STYXL1: variants seen among roughly 807,000 people sequenced by gnomAD.
The protein encoded by STYXL1 is serine/threonine/tyrosine-interacting-like protein 1.
Under a neutral mutation model 36.4 loss-of-function variants are expected in STYXL1, and 32 were observed. That is an observed-to-expected ratio of 0.88 (90% confidence interval 0.66 to 1.18). The LOEUF (loss-of-function observed/expected upper bound fraction) is 1.18, where lower values mean the gene tolerates loss of function less well. STYXL1 is among the 50% of genes most tolerant of loss of function. The pLI is 0.00. For synonymous variants in STYXL1, 133 were observed against 144.1 expected, an observed-to-expected ratio of 0.92 and a Z score of 0.55; for missense variants, 354 against 394.1, an observed-to-expected ratio of 0.90 and a Z score of 0.86.
At chr7:75,999,825 C>T (rs968451555) in intron 8 of STYXL1, among the ~76,000 whole-genome samples, 1 of 152,228 alleles carries the variant, frequency 6.6e-6, no homozygotes, top group Admixed American at 6.5e-5. Flanking sequence ...GGATTACAGG[C>T]GTGAGCCACC....
At chr7:76,005,614 C>T (rs922299777) in intron 5 of STYXL1, among the ~76,000 whole-genome samples, 3 of 152,092 alleles carry the variant, frequency 2.0e-5, no homozygotes, top group Non-Finnish European at 4.4e-5. Context: ...TGAGCCTCAT[C>T]GTGCAGAGCG....
rs184820215 is a variant in STYXL1, at chr7:76,013,227, G to A, written c.453+515C>T. On this transcript the variant is annotated intron_variant, in intron 5 of 8. Coordinates refer to ENST00000359697, the MANE Select transcript of STYXL1 (RefSeq NM_001317785.2). The stretch of plus-strand genomic sequence containing the variant: ...TGTAGTCCCACCTACTTGGGAGGCC[G>A]AGGCAGGAGAATGGCGTGAACCTGG... 2.6e-3 allele frequency among the ~76,000 whole-genome samples: 393 copies of A among 151,676 alleles called. 1 individual carries two copies. The highest frequency in any genetic ancestry group is 8.8e-3 in the African/African-American group (366 of 41,416).
intron 1 of STYXL1, among the ~76,000 whole-genome samples, chr7:76,035,476 G>C (rs1048934457): frequency 6.7e-6 from 1 of 149,870 alleles, no homozygotes; most frequent in Admixed American, 6.7e-5. Flanking sequence ...AATAGTCAAT[G>C]AACACATGTG....
At chr7:76,009,196 C>T (rs996491078) in intron 5 of STYXL1, among the ~76,000 whole-genome samples, 2 of 152,030 alleles carry the variant, frequency 1.3e-5, no homozygotes, top group African/African-American at 4.8e-5. Flanking sequence ...ACAATGCAAA[C>T]GAAACCAGTA....
chr7:76,001,734 A>G (rs1790954370), intron 7 of STYXL1, among the ~76,000 whole-genome samples: 1 of 148,684 alleles, frequency 6.7e-6, no homozygotes, highest in African/African-American at 2.5e-5. Context: ...ACCTCAGGTG[A>G]TCTGCCTGCC....
chr7:76,024,313 C>G (rs1220766842), intron 3 of STYXL1, among the ~76,000 whole-genome samples: 2 of 152,142 alleles, frequency 1.3e-5, no homozygotes, highest in East Asian at 3.9e-4. Flanking sequence ...GAAAAAGACA[C>G]TACCATATTA....
chr7:76,002,400 G>C (rs1791065593), intron 7 of STYXL1, among the ~76,000 whole-genome samples: 1 of 152,204 alleles, frequency 6.6e-6, no homozygotes, highest in Non-Finnish European at 1.5e-5. Flanking sequence ...ATCACAGACT[G>C]CCAGGGCTGA....
At chr7:76,001,454 T>C (rs547565252) in intron 7 of STYXL1, among the ~76,000 whole-genome samples, 2 of 152,230 alleles carry the variant, frequency 1.3e-5, no homozygotes, top group East Asian at 3.9e-4. Flanking sequence ...ATCTCCTCTC[T>C]TCTTTCCCCT....
intron 1 of STYXL1, among the ~76,000 whole-genome samples, chr7:76,047,422 C>T (rs1022150710): frequency 3.9e-5 from 6 of 152,190 alleles, no homozygotes; most frequent in African/African-American, 1.4e-4. Context: ...GCCGGGCAGG[C>T]GAGAGAAGAC....
chr7:76,005,277 G>A lies in STYXL1; in HGVS notation c.581C>T (p.Ser194Phe), dbSNP rs781869214. 5.0e-6 allele frequency: 8 copies of A among 1,605,814 alleles called. No homozygotes were observed. Among genetic ancestry groups the A allele is most frequent in the African/African-American group, 2.7e-5 (2 of 74,824 alleles). The part of the protein sequence containing the change: ...DLKIKAHVNV[S>F]MDTGPFFAGD... The stretch of plus-strand genomic sequence containing the variant: ...TACTTACAAGGGCCCTGTATCCATG[G>A]AGACATTGACATGGGCTTTGATTTT... The change falls in exon 6 of 9, where the codon TCC (serine) becomes TTC (phenylalanine). Residue 194 changes from serine to phenylalanine, a missense_variant. Physicochemically the swap from Ser to Phe is radical, Grantham distance 155. Transcript: ENST00000359697.
intron 1 of STYXL1, among the ~76,000 whole-genome samples, chr7:76,047,301 G>A (rs886461074): frequency 6.6e-6 from 1 of 152,110 alleles, no homozygotes; most frequent in East Asian, 1.9e-4. Flanking sequence ...AACTCATTGT[G>A]AGCAAGGAAT....
intron 3 of STYXL1, among the ~76,000 whole-genome samples, chr7:76,026,797 C>A (rs896434008): frequency 6.6e-6 from 1 of 152,166 alleles, no homozygotes; most frequent in African/African-American, 2.4e-5. Context: ...GCCTGCAATC[C>A]CAGCACTTTG....
intron 3 of STYXL1, among the ~76,000 whole-genome samples, chr7:76,026,192 CAAAAAAAAAAAAAAAAAAAAAAAAAAA>C (rs1159067824): frequency 2.1e-4 from 4 of 18,614 alleles, no homozygotes; most frequent in Non-Finnish European, 3.5e-4. Flanking sequence ...ACTCTGTCTC[CAAAAAAAAAAAAAAAAAAAAAAAAAAA>C]AAAAAAAAAA....
chr7:76,028,468 G>A (rs1794965533), intron 3 of STYXL1, among the ~76,000 whole-genome samples, 174 bp downstream of exon 3: 1 of 152,250 alleles, frequency 6.6e-6, no homozygotes, highest in East Asian at 1.9e-4. Context: ...TTGGGGGATG[G>A]GAGGACACCT....
In STYXL1 at chr7:76,028,784, A is replaced by G. The variant is rs1585297032; in HGVS notation, c.104-81T>C. On this transcript the variant is annotated intron_variant, in intron 2 of 8. Transcript: ENST00000359697. ...ACTCAGAGGACCTACGTCGTCATCA[A>G]CGTCTATTTGTTTGGCAGTTAAGGG... 32 of 1,278,556 alleles carry G rather than the reference A, an allele frequency of 2.5e-5. No individual in the cohort carries two copies. The East Asian group carries it at 7.2e-4, about 29-fold the overall frequency. 79.2% of individuals were successfully genotyped at this position (1,278,556 alleles called of 1,614,324 possible).
chr7:75,997,936 A>C (rs782002683), intron 8 of STYXL1, among the ~76,000 whole-genome samples: 13 of 152,238 alleles, frequency 8.5e-5, no homozygotes, highest in African/African-American at 1.2e-4. Context: ...GTGCTGAAAG[A>C]AATTAAAGGT....
At chr7:76,043,361 A>T (rs1409590840) in intron 1 of STYXL1, among the ~76,000 whole-genome samples, 4 of 148,644 alleles carry the variant, frequency 2.7e-5, no homozygotes, top group Non-Finnish European at 5.9e-5. Flanking sequence ...GCTGGTCTCA[A>T]AACTCCTGAC....
At chr7:76,002,291 T>G (rs1242466723) in intron 7 of STYXL1, among the ~76,000 whole-genome samples, 1 of 152,164 alleles carries the variant, frequency 6.6e-6, no homozygotes, top group African/African-American at 2.4e-5. Flanking sequence ...ACAGCACCCC[T>G]GAAGCTGTGA....
chr7:76,000,932 G>A lies in STYXL1; in HGVS notation c.768C>T (p.Ala256=). The A allele has an allele frequency of 6.2e-7, 1 of 1,614,212 alleles. No individual in the cohort carries two copies. Among genetic ancestry groups the A allele is most frequent in the South Asian group, 1.1e-5 (1 of 91,088 alleles). ...STQGISRSCA[A]IIAYLMHSNE... ...TACTATGCATGAGGTAGGCTATGAT[G>A]GCGGCACAACTGCGGCTGATACCTT... Residue 256 remains alanine (A), a synonymous_variant, in exon 8 of 9, where the codon GCC becomes GCT. Coordinates refer to ENST00000359697, the MANE Select transcript of STYXL1 (RefSeq NM_001317785.2).
Sources: gnomAD v4.1 joint callset for allele counts (sites outside exome capture counted in the v4.1 genomes callset) on GRCh38, gnomAD v4.1.1 for gene constraint, MANE v1.5 for transcripts, NCBI Gene and HGNC (gene_info 2026-07-23, HGNC 2026-07-21) for gene names.